Variants in BOD1L1 observed in about 807,000 individuals in gnomAD.
BOD1L1 encodes biorientation of chromosomes in cell division 1 like 1.
A neutral mutation model predicts 240.7 loss-of-function variants in BOD1L1; 86 were observed. That is an observed-to-expected ratio of 0.36 (90% CI 0.30 to 0.43). BOD1L1 has a LOEUF of 0.43. BOD1L1 is among the 20% of genes least tolerant of loss of function. BOD1L1 has a pLI of 1.00. For synonymous variants in BOD1L1, 1,268 were observed against 1,272.3 expected (o/e 1.00, Z 0.07); for missense variants, 3,554 against 3,643.5 (o/e 0.98, Z 0.63).
Position 13,577,030 on chromosome 4 carries a change from C to T in BOD1L1, c.8885-39G>A, listed in dbSNP as rs1368393016. ...AGGGTAACACCTGGATTTTACAATT[C>T]CCAAAGATACTTCCAAGAGAGAGAG... is the stretch of plus-strand genomic sequence containing the variant. On this transcript the variant is annotated intron_variant, in intron 24 of 25. Coordinates refer to ENST00000040738, the MANE Select transcript of BOD1L1 (RefSeq NM_148894.3). 4 of 1,602,230 alleles carry T rather than the reference C, an allele frequency of 2.5e-6. 1 individual carries two copies. Among genetic ancestry groups the T allele is most frequent in the South Asian group, 2.2e-5 (2 of 89,358 alleles).
At chr4:13,570,640 C>T (rs966940437) in intron 25 of BOD1L1, among the ~76,000 whole-genome samples, 4 of 152,236 alleles carry the variant, frequency 2.6e-5, no homozygotes, top group Non-Finnish European at 4.4e-5. Flanking sequence ...ATCTCCCTAT[C>T]ACCAGCATAC....
intron 9 of BOD1L1, 144 bp downstream of exon 9, chr4:13,606,973 A>C (rs187297968): frequency 2.0e-6 from 1 of 500,110 alleles, no homozygotes; most frequent in Non-Finnish European, 3.4e-6. Flanking sequence ...ACATAACAAA[A>C]TGGGGTTTCA....
Position 13,600,215 on chromosome 4 carries a change from C to A in BOD1L1, c.6685G>T (p.Ala2229Ser). ...TCAACAACTACACCGGAAACAGAAGCCTCACATTCTTCTGCTATGCTAGTG... is the reference window on the plus strand; with the variant it reads ...TCAACAACTACACCGGAAACAGAAGACTCACATTCTTCTGCTATGCTAGTG... The part of the protein sequence containing the change: ...ISTSIAEECE[A>S]SVSGVVVESE... Residue 2229 changes from alanine (A) to serine (S), a missense_variant, in exon 10 of 26, where the codon GCT (alanine) becomes TCT (serine). Ala to Ser is a moderately conservative substitution (Grantham distance 99, BLOSUM62 1). Coordinates refer to ENST00000040738, the MANE Select transcript of BOD1L1 (RefSeq NM_148894.3). The A allele has an allele frequency of 6.2e-7, 1 of 1,614,018 alleles. No homozygotes were observed.
intron 17 of BOD1L1, among the ~76,000 whole-genome samples, chr4:13,584,378 G>C (rs1713484773): frequency 2.0e-5 from 3 of 151,544 alleles, no homozygotes; most frequent in Non-Finnish European, 1.5e-5. Flanking sequence ...GAGAGAGACA[G>C]AGTGTGTGAG....
chr4:13,609,545 C>T (rs1024411464), intron 6 of BOD1L1, 139 bp from the exon 7 acceptor site: 20 of 509,022 alleles, frequency 3.9e-5, no homozygotes, highest in Non-Finnish European at 6.5e-5. Flanking sequence ...ACATACACTA[C>T]ATATATATAC....
chr4:13,621,806 C>T (rs1459770031), intron 1 of BOD1L1, among the ~76,000 whole-genome samples: 2 of 151,874 alleles, frequency 1.3e-5, no homozygotes, highest in Non-Finnish European at 2.9e-5. Flanking sequence ...TCCTGTCCTA[C>T]ATGATCATTT....
At position 13,604,359 on chromosome 4, in the gene BOD1L1, A is replaced by G. The variant is rs376816897; in HGVS notation, c.2541T>C (p.Asp847=). The G allele has an allele frequency of 3.2e-6, 5 of 1,581,458 alleles. No individual in the cohort carries two copies. The African/African-American group carries it at 5.5e-5, about 17-fold the overall frequency. ...KAEHKSRRSS[D]SKIQKDSLGS... is the part of the protein sequence containing the mutation. ...CCAGAGAATCTTTCTGAATTTTAGA[A>G]TCACTTGACCTTCTTGATTTGTGCT... is the stretch of plus-strand genomic sequence containing the variant. Residue 847 remains aspartate (D), a synonymous_variant, in exon 10 of 26, where the codon GAT becomes GAC. Coordinates refer to ENST00000040738, the MANE Select transcript of BOD1L1 (RefSeq NM_148894.3).
At chr4:13,576,743 T>G (rs765095650) in intron 25 of BOD1L1, 95 bp downstream of exon 25, 1 of 1,428,024 alleles carries the variant, frequency 7.0e-7, no homozygotes, top group Non-Finnish European at 9.4e-7. Context: ...GCAGCATGAA[T>G]GATTCAGTTC....
chr4:13,603,516 A>G lies in BOD1L1; in HGVS notation c.3384T>C (p.Val1128=). The G allele has an allele frequency of 6.2e-7, 1 of 1,613,986 alleles. No homozygotes were observed. Among genetic ancestry groups the G allele is most frequent in the Non-Finnish European group, 8.5e-7 (1 of 1,179,882 alleles). Residue 1128 remains valine, a synonymous_variant, in exon 10 of 26, where the codon GTT becomes GTC. Transcript: ENST00000040738. ...EPMEIDSEPG[V]ENVFEVSKTQ... ...TTTTAGATACTTCAAACACATTTTC[A>G]ACACCTGGCTCAGAATCAATTTCCA...
chr4:13,580,113 TTAAG>T, intron 21 of BOD1L1, 140 bp from the exon 22 acceptor site: 1 of 620,210 alleles, frequency 1.6e-6, no homozygotes, highest in Non-Finnish European at 2.8e-6. Flanking sequence ...CTGTAATTGA[TTAAG>T]TATACCTAGC....
Position 13,581,020 on chromosome 4 carries a change from A to T in BOD1L1, c.8703T>A (p.Thr2901=). Residue 2901 remains threonine, a splice_region_variant and synonymous_variant, in exon 21 of 26, where the codon ACT becomes ACA. Coordinates refer to ENST00000040738, the MANE Select transcript of BOD1L1 (RefSeq NM_148894.3). ...ATTGTCATGTTTTGCAATTACTTAC[A>T]GTGACAATGCCAGTATCTGTTTTGG... The part of the protein sequence containing the change: ...DDSKTDTGIV[T]VEQSPSSSKL... The T allele has an allele frequency of 6.4e-7, 1 of 1,574,614 alleles. No homozygotes were observed. The highest frequency in any genetic ancestry group is 8.6e-7 in the Non-Finnish European group (1 of 1,159,362).
intron 12 of BOD1L1, among the ~76,000 whole-genome samples, chr4:13,595,001 A>G (rs1450930162): frequency 2.0e-5 from 3 of 152,270 alleles, no homozygotes; most frequent in Admixed American, 6.5e-5. Flanking sequence ...AAACAGCAAC[A>G]GGACTGAATG....
chr4:13,615,997 G>T (rs1272803853), intron 2 of BOD1L1, among the ~76,000 whole-genome samples: 2 of 152,076 alleles, frequency 1.3e-5, no homozygotes, highest in Admixed American at 1.3e-4. Flanking sequence ...TCATCAAATT[G>T]CAAAATCAAA....
At position 13,613,550 on chromosome 4, in the gene BOD1L1, G is replaced by A. The variant is rs2035820; in HGVS notation, c.1286C>T (p.Thr429Met). The change falls in exon 5 of 26, where the codon ACG becomes ATG. Residue 429 changes from threonine (T) to methionine (M), a missense_variant. Physicochemically the swap from Thr to Met is moderately conservative, Grantham distance 81. This residue lies in a region of BOD1L1 where 3,393 missense variants were observed against 3,427.1 expected (regional missense o/e 0.99). Coordinates refer to ENST00000040738, the MANE Select transcript of BOD1L1 (RefSeq NM_148894.3). The surrounding 1 kb of genome is among the most constrained non-coding windows in gnomAD (Gnocchi z 4.0). ...FEEDTEEEVVTSDSMEEGEIT... is the reference protein window; with the variant it reads ...FEEDTEEEVVMSDSMEEGEIT... ...CTCTCCTTCTTCCATGCTATCAGAC[G>A]TTACAACTTCCTCCTCAGTATCTTC... The A allele has an allele frequency of 0.15, 239,793 of 1,610,822 alleles. 19,032 individuals are homozygous for A. Among genetic ancestry groups the A allele is most frequent in the South Asian group, 0.21 (18,727 of 90,794 alleles).
In BOD1L1 at chr4:13,604,797, C is replaced by T. The variant is rs374155386; in HGVS notation, c.2103G>A (p.Lys701=). 3.7e-6 allele frequency: 6 copies of T among 1,613,118 alleles called. No homozygotes were observed. The highest frequency in any genetic ancestry group is 1.3e-5 in the African/African-American group (1 of 74,818). Residue 701 remains lysine, a synonymous_variant, in exon 10 of 26, where the codon AAG becomes AAA. Coordinates refer to ENST00000040738, the MANE Select transcript of BOD1L1 (RefSeq NM_148894.3). ...TTTCAGAATCATCTTTCTTTAGATG[C>T]TTTTCGTTTTTAAGTGTGCTTTTCT... ...QKQKSTLKNE[K]HLKKDDSETP...
Position 13,614,535 on chromosome 4 carries a change from C to T in BOD1L1, c.835G>A (p.Glu279Lys). ...ACTGGACAGGGGAGGTCGCTGAACT[C>T]TTCAGACTTTGGGGCTGTTTCCAGT... ...EGLETAPKSE[E>K]FSDLPCPVEE... is the part of the protein sequence containing the mutation. Residue 279 changes from glutamate (E) to lysine (K), a missense_variant, in exon 4 of 26, where the codon GAG becomes AAG. By Grantham distance (56) the Glu-to-Lys change is moderately conservative. Coordinates refer to ENST00000040738, the MANE Select transcript of BOD1L1 (RefSeq NM_148894.3). 6.2e-7 allele frequency: 1 copy of T among 1,613,976 alleles called. No homozygotes were observed. Among genetic ancestry groups the T allele is most frequent in the South Asian group, 1.1e-5 (1 of 91,078 alleles).
chr4:13,592,459 C>T (rs1008620483), intron 12 of BOD1L1: 2 of 152,532 alleles, frequency 1.3e-5, no homozygotes, highest in African/African-American at 4.8e-5. Flanking sequence ...TTCTTTTAAA[C>T]AACTTCCTTT....
At position 13,601,076 on chromosome 4, in the gene BOD1L1, T is replaced by A; in HGVS notation, c.5824A>T (p.Lys1942Ter). 1 of 1,613,990 alleles carries A rather than the reference T, an allele frequency of 6.2e-7. No individual in the cohort carries two copies. Among genetic ancestry groups the A allele is most frequent in the Non-Finnish European group, 8.5e-7 (1 of 1,179,902 alleles). ...DSMSGTEKGS[K>*]DTDICSSAKG... ...GCACTGGAGCAGATATCTGTGTCTTTACTTCCTTTCTCTGTGCCACTCATG... is the reference window on the plus strand; with the variant it reads ...GCACTGGAGCAGATATCTGTGTCTTAACTTCCTTTCTCTGTGCCACTCATG... Residue 1942 changes from lysine to a stop codon, truncating the protein, a stop_gained, in exon 10 of 26, where the codon AAA (lysine) becomes TAA (stop). Coordinates refer to ENST00000040738, the MANE Select transcript of BOD1L1 (RefSeq NM_148894.3). LOFTEE classifies it high-confidence loss of function.
intron 18 of BOD1L1, among the ~76,000 whole-genome samples, 152 bp from the exon 19 acceptor site, chr4:13,582,462 G>C (rs1713312071): frequency 4.6e-5 from 7 of 152,152 alleles, no homozygotes; most frequent in Admixed American, 4.6e-4. Flanking sequence ...GAGTTTGGGT[G>C]ACTAGTAAAC....
Sources: gnomAD v4.1 joint callset for allele counts (sites outside exome capture counted in the v4.1 genomes callset) on GRCh38, gnomAD v4.1.1 for gene constraint, gnomAD v4.1.1 regional missense constraint, Gnocchi (gnomAD v3.1) non-coding constraint, MANE v1.5 for transcripts, NCBI Gene and HGNC (gene_info 2026-07-23, HGNC 2026-07-21) for gene names.